CEP162: variants seen among roughly 807,000 people sequenced by gnomAD.
CEP162 encodes centrosomal protein 162, also known as centrosomal protein of 162 kDa.
CEP162 carries 141 observed loss-of-function variants against 169.2 expected under a neutral mutation model. That is an observed-to-expected ratio of 0.83 (90% CI 0.73 to 0.96). The LOEUF (loss-of-function observed/expected upper bound fraction) is 0.96. Among genes scored for constraint, CEP162 ranks in the 40% least tolerant of loss-of-function variants. CEP162 has a pLI of 0.00. For synonymous variants in CEP162, 540 were observed against 526.4 expected (o/e 1.03, Z -0.35); for missense variants, 1,600 against 1,587.2 (o/e 1.01, Z -0.14).
At chr6:84,186,290 C>G in intron 12 of CEP162, 42 bp downstream of exon 12, 3 of 1,116,240 alleles carry the variant, frequency 2.7e-6, no homozygotes, top group Non-Finnish European at 4.0e-6. Context: ...TACATAACTT[C>G]GGTTCTCAAT....
chr6:84,163,330 A>G, intron 18 of CEP162, 60 bp from the exon 19 acceptor site: 1 of 1,268,048 alleles, frequency 7.9e-7, no homozygotes, highest in South Asian at 1.3e-5. Flanking sequence ...ATTGTGGTAT[A>G]GTCTTTCAAA....
chr6:84,203,399 T>G (rs2099545435), intron 7 of CEP162, among the ~76,000 whole-genome samples: 1 of 152,236 alleles, frequency 6.6e-6, no homozygotes, highest in Admixed American at 6.5e-5. Flanking sequence ...TAATTAAGCT[T>G]TCAATTTCTA....
At chr6:84,133,155 A>G (rs923501037) in intron 25 of CEP162, among the ~76,000 whole-genome samples, 1 of 152,204 alleles carries the variant, frequency 6.6e-6, no homozygotes, top group African/African-American at 2.4e-5. Flanking sequence ...GGGTATCACC[A>G]GCAGAGGCTG....
In CEP162 at chr6:84,152,959, T is replaced by A. The variant is rs1473896869; in HGVS notation, c.3215A>T (p.Gln1072Leu). 6.2e-7 allele frequency: 1 copy of A among 1,613,580 alleles called. No homozygotes were observed. Residue 1072 changes from glutamine (Q) to leucine (L), a missense_variant, in exon 23 of 27, where the codon CAG (glutamine) becomes CTG (leucine). Transcript: ENST00000403245. ...KKNDKDDEDF[Q>L]SIEFQVEQAH... ...CTGTTCCACCTGGAATTCTATAGAC[T>A]GAAAATCTTCATCATCTTTATCATT... is the stretch of plus-strand genomic sequence containing the variant.
intron 25 of CEP162, among the ~76,000 whole-genome samples, chr6:84,141,358 A>C (rs772577580): frequency 6.6e-6 from 1 of 152,170 alleles, no homozygotes; most frequent in Non-Finnish European, 1.5e-5. Flanking sequence ...TGTCAAGTCT[A>C]GTCTAAGCAA....
Position 84,149,084 on chromosome 6 carries a change from CTCTT to C in CEP162, c.3771+474_3771+477del, listed in dbSNP as rs147143451. 6.7e-3 allele frequency among the ~76,000 whole-genome samples: 1,021 copies of C among 152,176 alleles called. 5 individuals carry two copies. The highest frequency in any genetic ancestry group is 0.01 in the Non-Finnish European group (685 of 67,982). ...CCATCAGAGCAAGAGCTGTGTATCT[CTCTT>C]TTCATTATTTTATTCCAGTGCCTGA... On this transcript the variant is annotated intron_variant, in intron 24 of 26. Coordinates refer to ENST00000403245, the MANE Select transcript of CEP162 (RefSeq NM_014895.4).
chr6:84,138,053 A>ACTT (rs2099514913), intron 25 of CEP162, among the ~76,000 whole-genome samples: 1 of 152,184 alleles, frequency 6.6e-6, no homozygotes, highest in Non-Finnish European at 1.5e-5. Flanking sequence ...TATGCTGAAA[A>ACTT]CTTATAAATC....
chr6:84,156,653 G>T (rs1588749609), intron 21 of CEP162, among the ~76,000 whole-genome samples: 1 of 152,086 alleles, frequency 6.6e-6, no homozygotes, highest in Non-Finnish European at 1.5e-5. Flanking sequence ...ATGGAAAACA[G>T]TGTGGAGATT....
At chr6:84,184,958 G>C (rs538846076) in intron 13 of CEP162, among the ~76,000 whole-genome samples, 33 of 151,940 alleles carry the variant, frequency 2.2e-4, no homozygotes, top group Admixed American at 3.3e-4. Context: ...TCTTCCAGTT[G>C]CTCAAGCCAA....
intron 23 of CEP162, among the ~76,000 whole-genome samples, chr6:84,151,195 T>C (rs921627573): frequency 2.6e-5 from 4 of 151,994 alleles, no homozygotes; most frequent in Non-Finnish European, 4.4e-5. Context: ...TTAAGGAAGT[T>C]GAGAGTCACC....
intron 21 of CEP162, among the ~76,000 whole-genome samples, chr6:84,159,502 T>C (rs1186386316): frequency 7.1e-6 from 1 of 141,656 alleles, no homozygotes; most frequent in Non-Finnish European, 1.5e-5. Context: ...ATATTTCTAG[T>C]TCTTTTTTAA....
At chr6:84,225,156 TAG>T (rs1362513093) in intron 2 of CEP162, among the ~76,000 whole-genome samples, 1 of 152,146 alleles carries the variant, frequency 6.6e-6, no homozygotes, top group Non-Finnish European at 1.5e-5. Flanking sequence ...TTTATATAAA[TAG>T]AGTTTTATGC....
chr6:84,206,901 G>T (rs924649638), intron 6 of CEP162, among the ~76,000 whole-genome samples: 1 of 152,196 alleles, frequency 6.6e-6, no homozygotes, highest in Non-Finnish European at 1.5e-5. Context: ...CCACCAAAAA[G>T]TGGGCAAAGG....
chr6:84,203,541 C>T lies in CEP162; in HGVS notation c.687+440G>A, dbSNP rs568943287. On this transcript the variant is annotated intron_variant, in intron 7 of 26. Transcript: ENST00000403245. ...CTCACCGCAGCCTTGACCTCCCTGG[C>T]TCAAGTGATCCTCCCACCTCAGTCT... 2.6e-5 allele frequency among the ~76,000 whole-genome samples: 4 copies of T among 152,236 alleles called. No individual in the cohort carries two copies. In the East Asian group the frequency reaches 7.7e-4, roughly 29 times the overall value.
At chr6:84,144,523 T>A (rs978358109) in intron 25 of CEP162, among the ~76,000 whole-genome samples, 2 of 152,120 alleles carry the variant, frequency 1.3e-5, no homozygotes, top group Non-Finnish European at 2.9e-5. Flanking sequence ...TCCTAAGAGC[T>A]TTTGTAAGCA....
chr6:84,203,290 A>G (rs2099545391), intron 7 of CEP162, among the ~76,000 whole-genome samples: 1 of 152,214 alleles, frequency 6.6e-6, no homozygotes, highest in African/African-American at 2.4e-5. Flanking sequence ...GACTAGCATA[A>G]TTATTAGGGA....
In CEP162 at chr6:84,132,533, T is replaced by C. The variant is rs1172789720; in HGVS notation, c.3871-6021A>G. 2.0e-5 allele frequency among the ~76,000 whole-genome samples: 3 copies of C among 152,208 alleles called. No individual in the cohort carries two copies. The East Asian group carries it at 5.8e-4, about 29-fold the overall frequency. ...ATAGTCCCATATTTCTTGGAGGCTT[T>C]GTTCATTTCTTTTTACTCTTTTTTC... On this transcript the variant is annotated intron_variant, in intron 25 of 26. Transcript: ENST00000403245.
intron 16 of CEP162, among the ~76,000 whole-genome samples, chr6:84,172,380 C>A (rs772188387): frequency 2.0e-4 from 31 of 152,244 alleles, no homozygotes; most frequent in South Asian, 8.3e-4. Context: ...ACTTAGATGC[C>A]CTCCCTGGCT....
intron 25 of CEP162, among the ~76,000 whole-genome samples, chr6:84,144,144 G>C (rs1388958057): frequency 6.6e-6 from 1 of 151,908 alleles, no homozygotes; most frequent in Non-Finnish European, 1.5e-5. Context: ...GAGGGCCCTG[G>C]AAAATCTCAA....
Sources: gnomAD v4.1 joint callset for allele counts (sites outside exome capture counted in the v4.1 genomes callset) on GRCh38, gnomAD v4.1.1 for gene constraint, MANE v1.5 for transcripts, NCBI Gene and HGNC (gene_info 2026-07-23, HGNC 2026-07-21) for gene names.